The following GGT5 variants were observed in gnomAD, a reference collection of about 807,000 sequenced individuals.
The protein encoded by GGT5 is glutathione hydrolase 5 proenzyme.
A neutral mutation model predicts 58.1 loss-of-function variants in GGT5; 50 were observed. The observed-to-expected ratio is 0.86, with a 90% CI of 0.69 to 1.09. GGT5 has a LOEUF of 1.09. GGT5 is among the 50% of genes least tolerant of loss of function. The probability of loss-of-function intolerance (pLI) is 0.00; values close to 1 mark genes in which losing one functional copy is unlikely to be tolerated. For missense variants in GGT5, 800 were observed against 789.4 expected, an observed-to-expected ratio of 1.01 and a Z score of -0.16; for synonymous variants, 370 against 346.1, an observed-to-expected ratio of 1.07 and a Z score of -0.77.
rs1449315552 is a variant in GGT5 at position 24,226,254 on chromosome 22, C to A, written c.1051G>T (p.Asp351Tyr). Residue 351 changes from aspartate to tyrosine, a missense_variant, in exon 8 of 12, where the codon GAC becomes TAC. By Grantham distance (160) the Asp-to-Tyr change is radical (BLOSUM62 -3). Coordinates refer to ENST00000327365, the MANE Select transcript of GGT5 (RefSeq NM_004121.5). ...SHPKLQNASRDLLGETLAQLI... is the reference protein window; with the variant it reads ...SHPKLQNASRYLLGETLAQLI... ...TGGGCCAGGGTCTCCCCCAGCAGGTCCCGGGAGGCATTCTGGGGTGGGTGG... is the reference window on the plus strand; with the variant it reads ...TGGGCCAGGGTCTCCCCCAGCAGGTACCGGGAGGCATTCTGGGGTGGGTGG... 2 of 1,600,428 alleles carry A rather than the reference C, an allele frequency of 1.2e-6. No individual in the cohort carries two copies. The highest frequency in any genetic ancestry group is 1.1e-5 in the South Asian group (1 of 90,352).
intron 1 of GGT5, 78 bp from the exon 2 acceptor site, chr22:24,234,082 T>C (rs1258433157): frequency 1.1e-5 from 16 of 1,432,038 alleles, no homozygotes; most frequent in African/African-American, 1.4e-5. Context: ...CTGGCACTCA[T>C]TGGAGAATGG....
Position 24,239,244 on chromosome 22 carries a change from C to G in GGT5, c.174-5240G>C, listed in dbSNP as rs2048263074. Reference sequence around the variant, plus strand: ...GTCCCAGCTACTCGGGAGGCTGAAGCAGGAGAATGGCGTGAACCCAGGAGG... The same window carrying G: ...GTCCCAGCTACTCGGGAGGCTGAAGGAGGAGAATGGCGTGAACCCAGGAGG... On this transcript the variant is annotated intron_variant, in intron 1 of 11. Coordinates refer to ENST00000327365, the MANE Select transcript of GGT5 (RefSeq NM_004121.5). 6.0e-5 allele frequency among the ~76,000 whole-genome samples: 9 copies of G among 151,042 alleles called. No homozygotes were observed. The South Asian group carries it at 1.7e-3, about 28-fold the overall frequency.
chr22:24,223,200 A>G (rs570280942), intron 11 of GGT5, among the ~76,000 whole-genome samples: 51 of 152,242 alleles, frequency 3.3e-4, no homozygotes, highest in African/African-American at 1.2e-3. Context: ...TTGGGAGCTC[A>G]AGACCAGCCT....
chr22:24,231,490 G>C lies in GGT5; in HGVS notation c.795C>G (p.Pro265=), dbSNP rs144201854. The stretch of plus-strand genomic sequence containing the variant: ...GCACCTCCAGGGCATCCACCACCTC[G>C]GGCTGGAACTTGGCCAGGTCCTGCA... ...LTLQDLAKFQ[P]EVVDALEVPL... Residue 265 remains proline, a synonymous_variant, in exon 6 of 12, where the codon CCC becomes CCG. Coordinates refer to ENST00000327365, the MANE Select transcript of GGT5 (RefSeq NM_004121.5). 3.2e-6 allele frequency: 5 copies of C among 1,585,102 alleles called. No homozygotes were observed. In the African/African-American group the frequency reaches 5.4e-5, roughly 17 times the overall value.
intron 1 of GGT5, chr22:24,242,268 G>A (rs2048346538): frequency 6.6e-6 from 1 of 152,206 alleles, no homozygotes; most frequent in African/African-American, 2.4e-5. Context: ...GGCTCCGGCT[G>A]TAGCAGAATC....
At position 24,232,223 on chromosome 22, in the gene GGT5, G is replaced by GGGGGGC; in HGVS notation, c.597-16_597-15insGCCCCC. 1.1e-6 allele frequency: 1 copy of GGGGGGC among 890,652 alleles called. No homozygotes were observed. The highest frequency in any genetic ancestry group is 1.7e-6 in the Non-Finnish European group (1 of 590,060). 55.2% of individuals were successfully genotyped at this position (890,652 alleles called of 1,614,324 possible). Reference sequence around the variant, plus strand: ...AGAAGAGCTGGCTGGGGGGTGGGGGGAGCCTCAGGGTGGGGCCAGGTCCCA... The same window carrying GGGGGGC: ...AGAAGAGCTGGCTGGGGGGTGGGGGGGGGGGCAGCCTCAGGGTGGGGCCAGGTCCCA... On this transcript the variant is annotated splice_polypyrimidine_tract_variant and intron_variant, in intron 4 of 11. Coordinates refer to ENST00000327365, the MANE Select transcript of GGT5 (RefSeq NM_004121.5).
At chr22:24,223,754 CTTTTTTTTTT>C (rs898258352) in intron 11 of GGT5, among the ~76,000 whole-genome samples, 88 of 79,490 alleles carry the variant, frequency 1.1e-3, no homozygotes, top group South Asian at 9.8e-3. Context: ...TGCTATCAAT[CTTTTTTTTTT>C]TTTTTTTTTT....
chr22:24,238,864 TAATATATATAA>T (rs2048218419), intron 1 of GGT5, among the ~76,000 whole-genome samples: 1 of 9,812 alleles, frequency 1.0e-4, no homozygotes, highest in African/African-American at 6.1e-4. Flanking sequence ...ATTATATATA[TAATATATATAA>T]TATATATTAT....
intron 1 of GGT5, chr22:24,244,069 G>C (rs898517158): frequency 1.1e-4 from 18 of 161,660 alleles, no homozygotes; most frequent in Non-Finnish European, 2.0e-4. Flanking sequence ...GCAGGGTCAG[G>C]CGGGGCCAGA....
chr22:24,229,553 C>G (rs558888080), intron 6 of GGT5, among the ~76,000 whole-genome samples: 1 of 151,886 alleles, frequency 6.6e-6, no homozygotes, highest in East Asian at 1.9e-4. Flanking sequence ...CACTAAAGAC[C>G]AGATGCGGTG....
chr22:24,226,535 C>G, intron 7 of GGT5, 96 bp downstream of exon 7: 1 of 1,355,318 alleles, frequency 7.4e-7, no homozygotes, highest in Non-Finnish European at 1.0e-6. Flanking sequence ...ACATATCCCT[C>G]CAACTTCCCC....
intron 11 of GGT5, among the ~76,000 whole-genome samples, chr22:24,224,327 T>G (rs930986062): frequency 6.6e-6 from 1 of 151,828 alleles, no homozygotes; most frequent in Non-Finnish European, 1.5e-5. Flanking sequence ...CTAGGCAACA[T>G]GGTGAGAGAC....
chr22:24,228,084 AAC>A (rs1280852569), intron 6 of GGT5, among the ~76,000 whole-genome samples: 1 of 148,942 alleles, frequency 6.7e-6, no homozygotes, highest in Admixed American at 6.7e-5. Flanking sequence ...AAAAAAAAAA[AAC>A]TCTGAAAAAT....
chr22:24,226,489 G>C lies in GGT5; in HGVS notation c.1038+142C>G, dbSNP rs534341084. ...CTGACCCCTGTACCTGCCACCCCGG[G>C]ATCCCTTTCAGTCCTGCCCTGGCCT... On this transcript the variant is annotated intron_variant, in intron 7 of 11. Coordinates refer to ENST00000327365, the MANE Select transcript of GGT5 (RefSeq NM_004121.5). 40 of 918,706 alleles carry C rather than the reference G, an allele frequency of 4.4e-5. 1 individual carries two copies. The South Asian group carries it at 6.4e-4, about 15-fold the overall frequency. The allele number at this position is 918,706 out of a possible 1,614,324, so 56.9% of individuals were successfully genotyped here.
chr22:24,241,329 G>C (rs574948074), intron 1 of GGT5: 1 of 152,210 alleles, frequency 6.6e-6, no homozygotes, highest in Non-Finnish European at 1.5e-5. Flanking sequence ...TTTAAAATCT[G>C]TAGGGCAAGC....
At chr22:24,227,229 C>A (rs994398863) in intron 6 of GGT5, among the ~76,000 whole-genome samples, 4 of 151,952 alleles carry the variant, frequency 2.6e-5, no homozygotes, top group Non-Finnish European at 4.4e-5. Flanking sequence ...GGATTACAGG[C>A]GTAAGCCATC....
intron 1 of GGT5, 112 bp from the exon 2 acceptor site, chr22:24,234,116 CCACCAAACCGCAGATTAGGTT>C: frequency 9.7e-7 from 1 of 1,030,940 alleles, no homozygotes; most frequent in Non-Finnish European, 1.4e-6. Flanking sequence ...ACGTCGGCTG[CCACCAAACCGCAGATTAGGTT>C]GCAGAACACA....
Position 24,219,702 on chromosome 22 carries a change from C to T in GGT5, c.*268G>A, listed in dbSNP as rs1023770105. 5 of 475,584 alleles carry T rather than the reference C, an allele frequency of 1.1e-5. No individual in the cohort carries two copies. The highest frequency in any genetic ancestry group is 1.9e-5 in the African/African-American group (1 of 51,376). 29.5% of individuals were successfully genotyped at this position (475,584 alleles called of 1,614,324 possible). A position where few individuals can be genotyped will look rare whatever the true frequency, so the allele number is the denominator to read the frequency against. On this transcript the variant is annotated 3_prime_UTR_variant, in exon 12 of 12. Transcript: ENST00000327365. The stretch of plus-strand genomic sequence containing the variant: ...ATCTTGGACTGGAGGATATACAGAT[C>T]GAGAGGGTGGGAGAGTGGCCCCAGG...
chr22:24,234,639 G>C (rs982045113), intron 1 of GGT5, among the ~76,000 whole-genome samples: 1 of 152,124 alleles, frequency 6.6e-6, no homozygotes, highest in African/African-American at 2.4e-5. Flanking sequence ...GGCCAACATG[G>C]TGAAACCCCG....
Sources: allele counts gnomAD v4.1 joint callset (sites outside exome capture counted in the v4.1 genomes callset), GRCh38; gene constraint gnomAD v4.1.1; transcripts MANE v1.5; gene names NCBI Gene and HGNC (gene_info 2026-07-23, HGNC 2026-07-21).